Variants in ELMO1 observed in about 807,000 individuals in gnomAD.
ELMO1 encodes engulfment and cell motility protein 1.
ELMO1 carries 26 observed loss-of-function variants against 98.9 expected under a neutral mutation model. The observed-to-expected ratio is 0.26, with a 90% CI of 0.19 to 0.36. ELMO1 has a LOEUF of 0.36. ELMO1 is among the 10% of genes least tolerant of loss of function. The probability of loss-of-function intolerance (pLI) is 1.00; values close to 1 mark genes in which losing one functional copy is unlikely to be tolerated. For missense variants in ELMO1, 627 were observed against 935.2 expected (o/e 0.67, Z 4.30); for synonymous variants, 346 against 346.0 (o/e 1.00, Z 0.00).
chr7:37,101,400 G>A (rs933801907), intron 14 of ELMO1, among the ~76,000 whole-genome samples: 4 of 152,108 alleles, frequency 2.6e-5, no homozygotes, highest in East Asian at 3.9e-4. Context: ...TTTATTAGCC[G>A]GTGACCGAGA....
intron 15 of ELMO1, among the ~76,000 whole-genome samples, chr7:37,054,468 A>C (rs1796288110): frequency 1.3e-5 from 2 of 152,202 alleles, no homozygotes; most frequent in Non-Finnish European, 2.9e-5. Flanking sequence ...GCAAGGAAGA[A>C]GGTAGTGTGT....
chr7:36,966,820 G>T (rs1251216660), intron 16 of ELMO1, among the ~76,000 whole-genome samples: 1 of 152,190 alleles, frequency 6.6e-6, no homozygotes, highest in Admixed American at 6.5e-5. Context: ...TCAAATTAGG[G>T]CCAGTTTTAT....
At chr7:37,421,082 ACTAAC>A (rs1294712467) in intron 1 of ELMO1, among the ~76,000 whole-genome samples, 2 of 152,230 alleles carry the variant, frequency 1.3e-5, no homozygotes, top group African/African-American at 4.8e-5. Flanking sequence ...AGCAGTACAG[ACTAAC>A]CTCTTCCTAA....
intron 1 of ELMO1, among the ~76,000 whole-genome samples, chr7:37,376,192 C>T (rs1209733153): frequency 6.6e-6 from 1 of 152,170 alleles, no homozygotes; most frequent in Non-Finnish European, 1.5e-5. Flanking sequence ...CAGACCTGAC[C>T]TAGTGCCCAC....
intron 15 of ELMO1, among the ~76,000 whole-genome samples, chr7:37,070,949 A>G (rs1459201504): frequency 6.6e-6 from 1 of 152,150 alleles, no homozygotes; most frequent in African/African-American, 2.4e-5. Flanking sequence ...ATGAGCCTAG[A>G]TTTACTTTCA....
At chr7:36,939,575 T>A (rs973543558) in intron 16 of ELMO1, among the ~76,000 whole-genome samples, 4 of 152,224 alleles carry the variant, frequency 2.6e-5, no homozygotes, top group Non-Finnish European at 5.9e-5. Context: ...ACTACATTTT[T>A]AAAATATTCT....
At chr7:37,366,183 T>C (rs1801895841) in intron 1 of ELMO1, among the ~76,000 whole-genome samples, 1 of 152,178 alleles carries the variant, frequency 6.6e-6, no homozygotes, top group South Asian at 2.1e-4. Flanking sequence ...TGTATTCTTC[T>C]ACAAGACAAA....
intron 15 of ELMO1, among the ~76,000 whole-genome samples, chr7:37,074,205 T>A (rs1468958861): frequency 6.7e-6 from 1 of 148,428 alleles, no homozygotes; most frequent in African/African-American, 2.4e-5. Flanking sequence ...CATAAATTCA[T>A]ATATAGGGTA....
chr7:37,098,511 C>G (rs1246618073), intron 14 of ELMO1, among the ~76,000 whole-genome samples: 1 of 152,132 alleles, frequency 6.6e-6, no homozygotes, highest in Non-Finnish European at 1.5e-5. Flanking sequence ...AAAGACCTTG[C>G]TATGTCAAGG....
At chr7:37,384,031 G>T (rs1330393203) in intron 1 of ELMO1, among the ~76,000 whole-genome samples, 1 of 152,174 alleles carries the variant, frequency 6.6e-6, no homozygotes, top group East Asian at 1.9e-4. Flanking sequence ...TAGCCAGGAT[G>T]GTCTCGATCT....
intron 16 of ELMO1, among the ~76,000 whole-genome samples, chr7:36,900,535 G>A (rs188328291): frequency 3.7e-4 from 56 of 152,248 alleles, no homozygotes; most frequent in Middle Eastern, 3.4e-3. Flanking sequence ...AACAAAGCCC[G>A]TGGCCGTGGG....
intron 7 of ELMO1, among the ~76,000 whole-genome samples, chr7:37,241,984 T>C (rs192811001): frequency 1.3e-5 from 2 of 152,322 alleles, no homozygotes; most frequent in Admixed American, 6.5e-5. Context: ...TGAGTATCTA[T>C]CTACTATCAT....
intron 11 of ELMO1, among the ~76,000 whole-genome samples, chr7:37,215,313 T>C (rs1268088652): frequency 6.6e-6 from 1 of 152,194 alleles, no homozygotes; most frequent in Non-Finnish European, 1.5e-5. Context: ...CAACATTAAT[T>C]TTTGATGGCT....
chr7:37,344,064 C>G (rs554710127), intron 1 of ELMO1, among the ~76,000 whole-genome samples: 1 of 133,260 alleles, frequency 7.5e-6, no homozygotes, highest in Non-Finnish European at 1.6e-5. Flanking sequence ...CAGAGTCTCC[C>G]TCTGTTGCCC....
At chr7:37,385,080 T>C (rs1487247116) in intron 1 of ELMO1, among the ~76,000 whole-genome samples, 6 of 152,210 alleles carry the variant, frequency 3.9e-5, no homozygotes, top group African/African-American at 1.2e-4. Context: ...ACCTGCCACA[T>C]ATGCATAAAC....
intron 16 of ELMO1, among the ~76,000 whole-genome samples, chr7:36,992,446 T>C (rs1791939220): frequency 6.6e-6 from 1 of 152,202 alleles, no homozygotes; most frequent in Non-Finnish European, 1.5e-5. Context: ...AATTTGAATT[T>C]TCCAAATATA....
intron 16 of ELMO1, among the ~76,000 whole-genome samples, chr7:37,011,419 G>A (rs1457056160): frequency 6.6e-6 from 1 of 152,190 alleles, no homozygotes; most frequent in Non-Finnish European, 1.5e-5. Flanking sequence ...GTTACAAAAT[G>A]TAACTTCTAT....
intron 7 of ELMO1, among the ~76,000 whole-genome samples, chr7:37,234,270 T>C (rs901551860): frequency 6.6e-6 from 1 of 152,214 alleles, no homozygotes; most frequent in Non-Finnish European, 1.5e-5. Flanking sequence ...CATACCATTA[T>C]TGATATCCTA....
At chr7:36,868,975 A>C (rs1436308236) in intron 20 of ELMO1, among the ~76,000 whole-genome samples, 3 of 152,192 alleles carry the variant, frequency 2.0e-5, no homozygotes, top group Non-Finnish European at 4.4e-5. Context: ...CATGTGCAGC[A>C]TATGGTAATC....
Sources: gnomAD v4.1 joint callset for allele counts (sites outside exome capture counted in the v4.1 genomes callset) on GRCh38, gnomAD v4.1.1 for gene constraint, MANE v1.5 for transcripts, NCBI Gene and HGNC (gene_info 2026-07-23, HGNC 2026-07-21) for gene names.